CCDC141: variants seen among roughly 807,000 people sequenced by gnomAD.
CCDC141 encodes coiled-coil domain containing 141, also known as coiled-coil domain-containing protein 141.
Under a neutral mutation model 181.0 loss-of-function variants are expected in CCDC141, and 168 were observed. That is an observed-to-expected ratio of 0.93 (90% CI 0.82 to 1.05). CCDC141 has a LOEUF of 1.05. Ranked by LOEUF, CCDC141 falls within the 50% of genes least tolerant of loss-of-function variation. CCDC141 has a pLI of 0.00. For synonymous variants in CCDC141, 666 were observed against 642.3 expected, an observed-to-expected ratio of 1.04 and a Z score of -0.56; for missense variants, 1,902 against 1,788.5, an observed-to-expected ratio of 1.06 and a Z score of -1.14.
At position 178,884,893 on chromosome 2, in the gene CCDC141, T is replaced by C; in HGVS notation, c.1719+8A>G. ...CTTGCTGAAGAAGGTTAACACATAG[T>C]ACCATACCTCCTCTGATGACTTCAG... On this transcript the variant is annotated splice_region_variant and intron_variant, in intron 11 of 23. Coordinates refer to ENST00000443758, the MANE Select transcript of CCDC141 (RefSeq NM_173648.4). 1 of 1,549,490 alleles carries C rather than the reference T, an allele frequency of 6.5e-7. No individual in the cohort carries two copies. The highest frequency in any genetic ancestry group is 8.7e-7 in the Non-Finnish European group (1 of 1,146,152).
chr2:178,946,345 G>T (rs1163620667), intron 5 of CCDC141, among the ~76,000 whole-genome samples: 1 of 151,932 alleles, frequency 6.6e-6, no homozygotes, highest in Non-Finnish European at 1.5e-5. Context: ...ATTTTATTTT[G>T]TAAAACAAAA....
chr2:178,937,726 C>T (rs377214510), intron 6 of CCDC141, among the ~76,000 whole-genome samples: 1 of 151,688 alleles, frequency 6.6e-6, no homozygotes, highest in Non-Finnish European at 1.5e-5. Flanking sequence ...TGTTGATAGG[C>T]TGTTTATTAT....
chr2:178,819,217 C>CT, the CCDC141 span, among the ~76,000 whole-genome samples: 1 of 152,136 alleles, frequency 6.6e-6, no homozygotes, highest in South Asian at 2.1e-4. Context: ...ACCTACACAA[C>CT]TTTTTTTGCT....
chr2:179,040,058 G>A (rs576853729), intron 2 of CCDC141, among the ~76,000 whole-genome samples: 4 of 152,148 alleles, frequency 2.6e-5, no homozygotes, highest in African/African-American at 9.7e-5. Flanking sequence ...GTGGTTGGGG[G>A]AGAATATGAG....
At chr2:178,994,879 A>G (rs191381449) in intron 2 of CCDC141, among the ~76,000 whole-genome samples, 19 of 152,312 alleles carry the variant, frequency 1.2e-4, no homozygotes, top group African/African-American at 4.6e-4. Flanking sequence ...TCTTTGCTCA[A>G]ACGTAACAAA....
Position 178,833,865 on chromosome 2 carries a change from G to T in CCDC141, c.*308C>A, listed in dbSNP as rs547503758. 3.9e-6 allele frequency: 1 copy of T among 255,062 alleles called. No homozygotes were observed. The highest frequency in any genetic ancestry group is 2.2e-5 in the African/African-American group (1 of 45,728). The allele number at this position is 255,062 out of a possible 1,614,324, so 15.8% of individuals were successfully genotyped here. A position where few individuals can be genotyped will look rare whatever the true frequency, so the allele number is the denominator to read the frequency against. ...TCTATGCCGATGTCAGCCTTCATCT[G>T]CACGCCCTTAAATTAGGAGGGAATA... On this transcript the variant is annotated 3_prime_UTR_variant, in exon 24 of 24. Transcript: ENST00000443758.
chr2:178,966,019 G>A (rs931154568), intron 4 of CCDC141, among the ~76,000 whole-genome samples: 17 of 152,310 alleles, frequency 1.1e-4, no homozygotes, highest in Admixed American at 5.9e-4. Flanking sequence ...GTTTGAACTG[G>A]TGGGAGCCCA....
the CCDC141 span, among the ~76,000 whole-genome samples, chr2:178,822,429 G>GAAA: frequency 6.9e-6 from 1 of 144,120 alleles, no homozygotes; most frequent in Non-Finnish European, 1.5e-5. Flanking sequence ...AATCCCTCCT[G>GAAA]AAAAAAAAAA....
intron 17 of CCDC141, among the ~76,000 whole-genome samples, chr2:178,862,228 A>G (rs1405916671): frequency 6.6e-6 from 1 of 152,214 alleles, no homozygotes; most frequent in Admixed American, 6.5e-5. Flanking sequence ...CTGATGGGTA[A>G]GATGTTGCTA....
intron 19 of CCDC141, 79 bp from the exon 20 acceptor site, chr2:178,853,703 A>C: frequency 2.5e-6 from 3 of 1,207,044 alleles, no homozygotes; most frequent in Non-Finnish European, 3.5e-6. Flanking sequence ...GTGAAGTATC[A>C]AATTTTAATT....
chr2:178,844,184 A>T (rs2154366506), intron 22 of CCDC141, among the ~76,000 whole-genome samples: 1 of 152,324 alleles, frequency 6.6e-6, no homozygotes, highest in African/African-American at 2.4e-5. Flanking sequence ...TTCACAATGT[A>T]GGAAATTGTG....
intron 6 of CCDC141, among the ~76,000 whole-genome samples, chr2:178,931,066 G>T (rs1229080390): frequency 6.6e-6 from 1 of 152,098 alleles, no homozygotes; most frequent in Non-Finnish European, 1.5e-5. Context: ...TAAATGAAAA[G>T]ATCTGCAACA....
rs550715790 is a variant in CCDC141 at position 178,850,077 on chromosome 2, G to A, written c.3329C>T (p.Ser1110Phe). 1.2e-6 allele frequency: 2 copies of A among 1,601,474 alleles called. No individual in the cohort carries two copies. Among genetic ancestry groups the A allele is most frequent in the East Asian group, 2.2e-5 (1 of 44,634 alleles). Residue 1110 changes from serine (S) to phenylalanine (F), a missense_variant, in exon 21 of 24, where the codon TCC becomes TTC. Coordinates refer to ENST00000443758, the MANE Select transcript of CCDC141 (RefSeq NM_173648.4). Reference protein sequence around the residue: ...VLESVTELCESLTELEEKLKQ... With the variant: ...VLESVTELCEFLTELEEKLKQ... ...CAGTTTTTCTTCGAGCTCTGTGAGG[G>A]ACTCACATAATTCAGTCACAGATTC...
chr2:178,817,793 TCCTCCCTCCCTC>T, the CCDC141 span: 4 of 218,284 alleles, frequency 1.8e-5, no homozygotes, highest in South Asian at 9.5e-5. Context: ...CTTCCTTCCT[TCCTCCCTCCCTC>T]CCTCCCTCCC....
intron 2 of CCDC141, among the ~76,000 whole-genome samples, chr2:178,999,180 C>T (rs377445295): frequency 4.6e-5 from 7 of 152,146 alleles, no homozygotes; most frequent in African/African-American, 1.7e-4. Flanking sequence ...CAAATTCAAA[C>T]CATCTACAAA....
At chr2:178,888,068 A>T (rs1410063928) in intron 9 of CCDC141, among the ~76,000 whole-genome samples, 7 of 152,212 alleles carry the variant, frequency 4.6e-5, no homozygotes, top group Admixed American at 4.6e-4. Context: ...GTTCAATAAA[A>T]TATAATAATG....
In CCDC141 at chr2:178,837,710, T is replaced by C. The variant is rs13419085; in HGVS notation, c.3509A>G (p.Asn1170Ser). ...QVQVADLLGI[N>S]GTGEERLPQD... ...TGGTAGTCGCTCTTCCCCTGTTCCA[T>C]TGATGCCCAAAAGATCTGCCACCTG... Residue 1170 changes from asparagine to serine, a missense_variant, in exon 23 of 24, where the codon AAT becomes AGT. Physicochemically the swap from Asn to Ser is conservative, Grantham distance 46. Coordinates refer to ENST00000443758, the MANE Select transcript of CCDC141 (RefSeq NM_173648.4). 66,332 of 1,612,998 alleles carry C rather than the reference T, an allele frequency of 0.041. 2,627 individuals are homozygous for C. Among genetic ancestry groups the C allele is most frequent in the Admixed American group, 0.17 (10,018 of 59,864 alleles).
At position 178,871,414 on chromosome 2, in the gene CCDC141, T is replaced by C. The variant is rs1363514536; in HGVS notation, c.2205+13A>G. On this transcript the variant is annotated intron_variant, in intron 14 of 23. Coordinates refer to ENST00000443758, the MANE Select transcript of CCDC141 (RefSeq NM_173648.4). ...TTTTCCATTCACCCAAATCCAGCAA[T>C]ATATTTCTTCACCTGGAACTGAGGC... The C allele has an allele frequency of 6.2e-7, 1 of 1,609,944 alleles. No individual in the cohort carries two copies. The highest frequency in any genetic ancestry group is 8.5e-7 in the Non-Finnish European group (1 of 1,178,590).
intron 2 of CCDC141, among the ~76,000 whole-genome samples, chr2:179,018,796 C>T (rs1450577051): frequency 1.3e-5 from 2 of 152,052 alleles, no homozygotes; most frequent in African/African-American, 4.8e-5. Context: ...CAGTGTCACT[C>T]ATTTTTGTAC....
Sources: allele counts gnomAD v4.1 joint callset (sites outside exome capture counted in the v4.1 genomes callset), GRCh38; gene constraint gnomAD v4.1.1; transcripts MANE v1.5; gene names NCBI Gene and HGNC (gene_info 2026-07-23, HGNC 2026-07-21).